The following RIN2 variants were observed in gnomAD, a reference collection of about 807,000 sequenced individuals.
The protein encoded by RIN2 is RAB5 interacting protein 2.
A neutral mutation model predicts 78.0 loss-of-function variants in RIN2; 36 were observed. The ratio of observed to expected loss-of-function variants is 0.46; its 90% CI spans 0.35 to 0.61. RIN2 has a LOEUF of 0.61. Among genes scored for constraint, RIN2 ranks in the 20% least tolerant of loss-of-function variants. The pLI, the probability that RIN2 is intolerant of heterozygous loss-of-function variation, is 0.00. For missense variants in RIN2, 1,087 were observed against 1,159.7 expected (o/e 0.94, Z 0.91); for synonymous variants, 466 against 466.8 (o/e 1.00, Z 0.02).
In RIN2 at chr20:20,002,429, CAT is replaced by C. The variant is rs369309779; in HGVS notation, c.*1494_*1495del. 1.2e-4 allele frequency: 18 copies of C among 151,728 alleles called. No individual in the cohort carries two copies. Among genetic ancestry groups the C allele is most frequent in the African/African-American group, 2.4e-4 (10 of 41,300 alleles). 9.4% of individuals were successfully genotyped at this position (151,728 alleles called of 1,614,324 possible). On this transcript the variant is annotated 3_prime_UTR_variant, in exon 13 of 13. Transcript: ENST00000255006. ...ATACATTGTAATACTGTATGATAAT[CAT>C]GTGTGAAAATAATTTTTGAAATATC...
At chr20:19,964,888 G>T in intron 6 of RIN2, 64 bp from the exon 7 acceptor site, 1 of 1,363,924 alleles carries the variant, frequency 7.3e-7, no homozygotes, top group South Asian at 1.2e-5. Flanking sequence ...ATGGTGTTAG[G>T]GGCTCTTCCT....
chr20:19,823,574 C>A (rs1197559206), intron 2 of RIN2: 2 of 1,493,794 alleles, frequency 1.3e-6, no homozygotes, highest in East Asian at 4.5e-5. Context: ...CCAGAGAGTT[C>A]TCTGGCTAAG....
At chr20:19,824,049 C>T in intron 2 of RIN2, 1 of 693,860 alleles carries the variant, frequency 1.4e-6, no homozygotes, top group Non-Finnish European at 2.4e-6. Flanking sequence ...CTGCCTGCTT[C>T]TATGGCCCCC....
At chr20:19,972,638 G>A (rs190948364) in intron 8 of RIN2, among the ~76,000 whole-genome samples, 2 of 152,196 alleles carry the variant, frequency 1.3e-5, no homozygotes. Flanking sequence ...GGACTCAAGG[G>A]TTAATAAGAT....
chr20:19,842,262 G>A lies in RIN2; in HGVS notation c.-37+42515G>A, dbSNP rs945266838. On this transcript the variant is annotated intron_variant, in intron 2 of 12. Transcript: ENST00000255006. Reference sequence around the variant, plus strand: ...GTTTGAGACAGAGTCTTGTTCTGTTGCCCAGGCTGGAGTGTAGTGGTGCGA... The same window carrying A: ...GTTTGAGACAGAGTCTTGTTCTGTTACCCAGGCTGGAGTGTAGTGGTGCGA... Among the ~76,000 whole-genome samples the A allele has an allele frequency of 5.3e-5, 8 of 151,730 alleles. No homozygotes were observed. In the South Asian group the frequency reaches 6.3e-4, roughly 12 times the overall value.
At chr20:19,816,091 T>C (rs1022968062) in intron 2 of RIN2, among the ~76,000 whole-genome samples, 2 of 152,240 alleles carry the variant, frequency 1.3e-5, no homozygotes, top group African/African-American at 4.8e-5. Context: ...AACCTTACTA[T>C]ATTGGTGCAG....
chr20:19,809,561 A>G (rs1397052605), intron 2 of RIN2: 1 of 152,590 alleles, frequency 6.6e-6, no homozygotes, highest in Non-Finnish European at 1.5e-5. Context: ...GAGACTGGAG[A>G]AGCAGACACG....
chr20:19,764,918 G>GTTTTTTGTTTTT (rs2033806296), intron 1 of RIN2, among the ~76,000 whole-genome samples: 1 of 50,362 alleles, frequency 2.0e-5, no homozygotes. Context: ...CACTTTCTGC[G>GTTTTTTGTTTTT]TTTTTTTTTT....
chr20:19,882,110 T>C (rs1032842624), intron 2 of RIN2, among the ~76,000 whole-genome samples: 1 of 152,148 alleles, frequency 6.6e-6, no homozygotes, highest in Non-Finnish European at 1.5e-5. Flanking sequence ...ATGATACTGG[T>C]AGAAGAAAAC....
At chr20:19,900,853 G>A (rs1283474500) in intron 3 of RIN2, among the ~76,000 whole-genome samples, 2 of 150,086 alleles carry the variant, frequency 1.3e-5, no homozygotes, top group African/African-American at 4.9e-5. Context: ...GGGAGGCTGA[G>A]GCAGGAGAAT....
intron 9 of RIN2, among the ~76,000 whole-genome samples, chr20:19,981,363 A>T (rs6035498): frequency 6.6e-6 from 1 of 152,124 alleles, no homozygotes; most frequent in Non-Finnish European, 1.5e-5. Context: ...GACCCAGGCC[A>T]TGTATGCCAG....
At chr20:19,999,163 G>C (rs1267405228) in intron 12 of RIN2, among the ~76,000 whole-genome samples, 2 of 152,172 alleles carry the variant, frequency 1.3e-5, no homozygotes, top group African/African-American at 4.8e-5. Context: ...TGGTGGTAAA[G>C]GCGGTGGGGC....
At chr20:19,917,071 C>T (rs1448542822) in intron 3 of RIN2, among the ~76,000 whole-genome samples, 6 of 151,386 alleles carry the variant, frequency 4.0e-5, no homozygotes, top group Admixed American at 3.9e-4. Flanking sequence ...CAATTGAAGT[C>T]AGCCCCTGCT....
intron 2 of RIN2, among the ~76,000 whole-genome samples, chr20:19,844,590 GCTGCTTCTTCCTCTTCTT>G (rs1427398428): frequency 2.4e-5 from 2 of 84,752 alleles, no homozygotes; most frequent in African/African-American, 3.8e-5. Flanking sequence ...TGCTGCTGCT[GCTGCTTCTTCCTCTTCTT>G]CTTCTTCTTC....
At position 19,794,858 on chromosome 20, in the gene RIN2, G is replaced by A. The variant is rs148542877; in HGVS notation, c.-162-4764G>A. The stretch of plus-strand genomic sequence containing the variant: ...ATTTGGTTAATTCATGAATAATTCT[G>A]ATCAAGACAATCCCCTTCATAAATT... On this transcript the variant is annotated intron_variant, in intron 1 of 12. Coordinates refer to ENST00000255006, the MANE Select transcript of RIN2 (RefSeq NM_018993.4). Among the ~76,000 whole-genome samples the A allele has an allele frequency of 4.0e-3, 604 of 152,178 alleles. 6 individuals are homozygous for A. Among genetic ancestry groups the A allele is most frequent in the African/African-American group, 0.013 (555 of 41,518 alleles).
At chr20:19,856,097 C>A (rs2037157658) in intron 2 of RIN2, among the ~76,000 whole-genome samples, 3 of 152,020 alleles carry the variant, frequency 2.0e-5, no homozygotes, top group South Asian at 4.2e-4. Context: ...GAAGAAAAAT[C>A]TTTTAAGAGA....
At chr20:19,935,801 G>T (rs2040615566) in intron 4 of RIN2, among the ~76,000 whole-genome samples, 1 of 148,022 alleles carries the variant, frequency 6.8e-6, no homozygotes. Context: ...GGAGAAAGGG[G>T]GTGCAAAGGT....
At chr20:19,796,488 G>C (rs1375181582) in intron 1 of RIN2, among the ~76,000 whole-genome samples, 2 of 152,172 alleles carry the variant, frequency 1.3e-5, no homozygotes, top group Non-Finnish European at 2.9e-5. Flanking sequence ...GTGTACGGTT[G>C]GTAGTAACAG....
intron 2 of RIN2, among the ~76,000 whole-genome samples, chr20:19,878,925 T>G (rs764622091): frequency 6.6e-6 from 1 of 152,202 alleles, no homozygotes; most frequent in Non-Finnish European, 1.5e-5. Flanking sequence ...TTGGGCTCCA[T>G]GCTAACCACA....
Sources: gnomAD v4.1 joint callset for allele counts (sites outside exome capture counted in the v4.1 genomes callset) on GRCh38, gnomAD v4.1.1 for gene constraint, MANE v1.5 for transcripts, NCBI Gene and HGNC (gene_info 2026-07-23, HGNC 2026-07-21) for gene names.